Variants in DENND2B observed in about 807,000 individuals in gnomAD.
The protein encoded by DENND2B is DENN domain-containing protein 2B.
In DENND2B, 32 loss-of-function variants were observed where a neutral mutation model predicts 116.0. The ratio of observed to expected loss-of-function variants is 0.28; its 90% CI spans 0.21 to 0.37. DENND2B has a LOEUF of 0.37. Ranked by LOEUF, DENND2B falls within the 10% of genes least tolerant of loss-of-function variation. The pLI is 1.00. For synonymous variants in DENND2B, 588 were observed against 583.9 expected (o/e 1.01, Z -0.10); for missense variants, 1,276 against 1,477.7 (o/e 0.86, Z 2.24).
At position 8,777,049 on chromosome 11, in the gene DENND2B, A is replaced by G. The variant is rs576511618; in HGVS notation, c.-25-26324T>C. Among the ~76,000 whole-genome samples, 7 of 152,314 alleles carry G rather than the reference A, an allele frequency of 4.6e-5. No individual in the cohort carries two copies. In the South Asian group the frequency reaches 1.4e-3, roughly 32 times the overall value. ...TGAGAGAGTGAATGGGCTTGCTATT[A>G]TTATAGGTATAATCTTGCATACCTT... is the stretch of plus-strand genomic sequence containing the variant. On this transcript the variant is annotated intron_variant, in intron 1 of 19. Coordinates refer to ENST00000313726, the MANE Select transcript of DENND2B (RefSeq NM_213618.2).
intron 1 of DENND2B, among the ~76,000 whole-genome samples, chr11:8,765,135 C>T (rs751831485): frequency 5.9e-5 from 9 of 152,100 alleles, no homozygotes; most frequent in Non-Finnish European, 1.3e-4. Flanking sequence ...GGGGCTCACA[C>T]ACACAGACCC....
chr11:8,698,519 C>T (rs779926937), intron 16 of DENND2B, among the ~76,000 whole-genome samples: 1 of 152,228 alleles, frequency 6.6e-6, no homozygotes, highest in Non-Finnish European at 1.5e-5. Context: ...TTGTAGTTGA[C>T]AACAATGATT....
intron 1 of DENND2B, among the ~76,000 whole-genome samples, chr11:8,783,695 T>A (rs1254097800): frequency 6.6e-6 from 1 of 152,218 alleles, no homozygotes; most frequent in African/African-American, 2.4e-5. Flanking sequence ...ATAAAGCTAG[T>A]TAATTTCACG....
chr11:8,724,124 T>A (rs1275316649), intron 4 of DENND2B, among the ~76,000 whole-genome samples: 1 of 152,108 alleles, frequency 6.6e-6, no homozygotes, highest in Non-Finnish European at 1.5e-5. Flanking sequence ...TGAAACCCTG[T>A]CTCTACTAAA....
At chr11:8,751,362 G>T (rs967281108) in intron 1 of DENND2B, among the ~76,000 whole-genome samples, 3 of 152,154 alleles carry the variant, frequency 2.0e-5, no homozygotes, top group African/African-American at 4.8e-5. Context: ...TGATGTGGGT[G>T]GGGCCAGATA....
At position 8,707,152 on chromosome 11, in the gene DENND2B, T is replaced by A; in HGVS notation, c.2504A>T (p.Glu835Val). The A allele has an allele frequency of 1.2e-6, 2 of 1,613,596 alleles. No homozygotes were observed. The highest frequency in any genetic ancestry group is 2.2e-5 in the East Asian group (1 of 44,864). ...CTTCCCTGGGGCTGGGAAGGGCGAC[T>A]CCATGAGACTTCTCATGAAAGGATA... ...LVYPFMRSLM[E>V]SPFPAPGKTI... The change falls in exon 13 of 20, where the codon GAG (glutamate) becomes GTG (valine). Residue 835 changes from glutamate to valine, a missense_variant. Physicochemically the swap from Glu to Val is moderately radical, Grantham distance 121. Transcript: ENST00000313726. The surrounding 1 kb of genome is among the most constrained non-coding windows in gnomAD (Gnocchi z 4.8).
At chr11:8,840,733 C>T (rs1464336840) in intron 3 of DENND2B, among the ~76,000 whole-genome samples, 1 of 152,154 alleles carries the variant, frequency 6.6e-6, no homozygotes, top group East Asian at 1.9e-4. Flanking sequence ...CCAGCCCCAC[C>T]CCACATAGGA....
In DENND2B at chr11:8,778,973, C is replaced by A. The variant is rs988709354; in HGVS notation, c.-25-28248G>T. 1.1e-4 allele frequency among the ~76,000 whole-genome samples: 16 copies of A among 152,330 alleles called. No homozygotes were observed. In the South Asian group the frequency reaches 3.1e-3, roughly 30 times the overall value. The stretch of plus-strand genomic sequence containing the variant: ...CTGCTACTGATAATCTTCCAAGTTC[C>A]AATAGCAGGCTCCCTAATAACATTG... On this transcript the variant is annotated intron_variant, in intron 1 of 19. Coordinates refer to ENST00000313726, the MANE Select transcript of DENND2B (RefSeq NM_213618.2).
At chr11:8,857,642 C>T (rs2063239925) in intron 2 of DENND2B, among the ~76,000 whole-genome samples, 1 of 152,210 alleles carries the variant, frequency 6.6e-6, no homozygotes, top group Non-Finnish European at 1.5e-5. Flanking sequence ...TGCCTCTGGG[C>T]CTTTGCTCAT....
chr11:8,750,903 T>C (rs536546700), intron 1 of DENND2B, among the ~76,000 whole-genome samples, 178 bp from the exon 2 acceptor site: 2 of 152,308 alleles, frequency 1.3e-5, no homozygotes, highest in South Asian at 4.1e-4. Context: ...AAGAAACCCC[T>C]GGCCTGGAAT....
At chr11:8,713,822 A>G (rs2044226049) in intron 8 of DENND2B, among the ~76,000 whole-genome samples, 176 bp downstream of exon 8, 1 of 152,212 alleles carries the variant, frequency 6.6e-6, no homozygotes, top group African/African-American at 2.4e-5. Flanking sequence ...TCACATGTCT[A>G]TAAGGACAGA....
intron 4 of DENND2B, among the ~76,000 whole-genome samples, chr11:8,821,160 A>T (rs996163203): frequency 6.6e-6 from 1 of 151,210 alleles, no homozygotes; most frequent in African/African-American, 2.4e-5. Context: ...AATTTAATTT[A>T]AATTTAAAAA....
intron 4 of DENND2B, among the ~76,000 whole-genome samples, chr11:8,826,130 G>A (rs377372873): frequency 1.3e-5 from 2 of 152,146 alleles, no homozygotes; most frequent in East Asian, 1.9e-4. Context: ...TTATCCCCAC[G>A]GAGTCATCTC....
chr11:8,806,842 G>A (rs1204332976), intron 1 of DENND2B, among the ~76,000 whole-genome samples: 2 of 151,402 alleles, frequency 1.3e-5, no homozygotes, highest in Non-Finnish European at 2.9e-5. Flanking sequence ...CCAGGAGAAG[G>A]CACACACTAA....
At chr11:8,830,147 C>T (rs1204941093) in intron 4 of DENND2B, among the ~76,000 whole-genome samples, 6 of 152,192 alleles carry the variant, frequency 3.9e-5, no homozygotes, top group African/African-American at 1.4e-4. Context: ...TTCCACAAAA[C>T]TCCACCTTCA....
At chr11:8,746,630 G>T (rs960845637) in intron 2 of DENND2B, among the ~76,000 whole-genome samples, 2 of 152,180 alleles carry the variant, frequency 1.3e-5, no homozygotes, top group Non-Finnish European at 2.9e-5. Context: ...GAAAAACACT[G>T]GGAGAGAAGT....
rs2047896935 is a variant in DENND2B at position 8,730,295 on chromosome 11, A to G, written c.995T>C (p.Val332Ala). The change falls in exon 3 of 20, where the codon GTG (valine) becomes GCG (alanine). Residue 332 changes from valine (V) to alanine (A), a missense_variant. Transcript: ENST00000313726. The surrounding 1 kb of genome is among the most constrained non-coding windows in gnomAD (Gnocchi z 4.1). ...TCCGACTGCCCGGCTGCCAGCGCTC[A>G]CACTCGCGCCCCCTGCCGGCTCCTC... ...SLEEPAGGAS[V>A]SAGSRAVGVA... 1 of 1,605,838 alleles carries G rather than the reference A, an allele frequency of 6.2e-7. No homozygotes were observed. The highest frequency in any genetic ancestry group is 1.7e-5 in the Admixed American group (1 of 59,716).
chr11:8,849,654 C>A (rs1594230993), intron 3 of DENND2B, among the ~76,000 whole-genome samples: 1 of 151,430 alleles, frequency 6.6e-6, no homozygotes, highest in African/African-American at 2.4e-5. Context: ...GAAACTCCAT[C>A]ACTACTAAAG....
chr11:8,902,462 G>A (rs1412264997), intron 1 of DENND2B, among the ~76,000 whole-genome samples: 1 of 152,182 alleles, frequency 6.6e-6, no homozygotes, highest in Admixed American at 6.5e-5. Context: ...ATTTGCAAGT[G>A]CTATATCTTC....
Sources: gnomAD v4.1 joint callset for allele counts (sites outside exome capture counted in the v4.1 genomes callset) on GRCh38, gnomAD v4.1.1 for gene constraint, Gnocchi (gnomAD v3.1) non-coding constraint, MANE v1.5 for transcripts, NCBI Gene and HGNC (gene_info 2026-07-23, HGNC 2026-07-21) for gene names.